Variants in RNASEH1 observed in about 807,000 individuals in gnomAD.
RNASEH1 encodes the protein ribonuclease H1.
A neutral mutation model predicts 34.6 loss-of-function variants in RNASEH1; 27 were observed. The ratio of observed to expected loss-of-function variants is 0.78; its 90% confidence interval spans 0.58 to 1.08. The LOEUF is 1.08. Among genes scored for constraint, RNASEH1 ranks in the 50% least tolerant of loss-of-function variants. The probability of loss-of-function intolerance (pLI) is 0.00; values close to 1 mark genes in which losing one functional copy is unlikely to be tolerated. For missense variants in RNASEH1, 349 were observed against 373.6 expected (o/e 0.93, Z 0.54); for synonymous variants, 162 against 138.4 (o/e 1.17, Z -1.20).
At chr2:3,532,779 CT>C in the RNASEH1 span, among the ~76,000 whole-genome samples, 2 of 152,220 alleles carry the variant, frequency 1.3e-5, no homozygotes, top group African/African-American at 4.8e-5. Context: ...AAAGTGTTCA[CT>C]GAGGCCCAAA....
chr2:3,556,375 G>A (rs914636139), intron 2 of RNASEH1, among the ~76,000 whole-genome samples: 4 of 145,108 alleles, frequency 2.8e-5, no homozygotes, highest in African/African-American at 7.7e-5. Flanking sequence ...GTGCAATCTC[G>A]GCTCACTGTA....
chr2:3,557,257 G>T lies in RNASEH1; in HGVS notation c.129-353C>A, dbSNP rs116313971. ...TTGATCTATGGTTAGCTGAAACTGA[G>T]GATGCAAACTGGATATAGAGGACCA... On this transcript the variant is annotated intron_variant, in intron 1 of 7. Coordinates refer to ENST00000315212, the MANE Select transcript of RNASEH1 (RefSeq NM_002936.6). 4.3e-3 allele frequency among the ~76,000 whole-genome samples: 653 copies of T among 152,166 alleles called. 6 individuals are homozygous for T. The highest frequency in any genetic ancestry group is 0.015 in the African/African-American group (629 of 41,516).
chr2:3,556,308 G>A (rs963075113), intron 2 of RNASEH1, among the ~76,000 whole-genome samples: 4 of 138,354 alleles, frequency 2.9e-5, no homozygotes, highest in African/African-American at 1.1e-4. Context: ...AACTATGTAA[G>A]TTTTTTTTTT....
chr2:3,549,411 T>C (rs1424388544), intron 4 of RNASEH1, among the ~76,000 whole-genome samples: 1 of 152,088 alleles, frequency 6.6e-6, no homozygotes. Flanking sequence ...GGAAGAAGAA[T>C]GGAGAGAGTG....
rs1572286664 is a variant in RNASEH1 at position 3,545,063 on chromosome 2, C to A, written c.*722G>T. 6.6e-6 allele frequency: 1 copy of A among 150,444 alleles called. No individual in the cohort carries two copies. Among genetic ancestry groups the A allele is most frequent in the South Asian group, 2.1e-4 (1 of 4,772 alleles). 9.3% of individuals were successfully genotyped at this position (150,444 alleles called of 1,614,324 possible). The stretch of plus-strand genomic sequence containing the variant: ...GTGCTAGGATTACAGAAGTGAGCCA[C>A]TGTGCCCAGCCGGTGTCTTACTTTT... On this transcript the variant is annotated 3_prime_UTR_variant, in exon 8 of 8. Transcript: ENST00000315212.
At chr2:3,555,567 A>G (rs1385501234) in intron 2 of RNASEH1, among the ~76,000 whole-genome samples, 2 of 152,306 alleles carry the variant, frequency 1.3e-5, no homozygotes, top group East Asian at 3.9e-4. Context: ...GATTGTTACG[A>G]TGATTCGAAG....
intron 4 of RNASEH1, chr2:3,550,092 G>T: frequency 2.7e-6 from 1 of 368,140 alleles, no homozygotes; most frequent in Non-Finnish European, 5.0e-6. Flanking sequence ...GCAGTGAGCT[G>T]TGTTTGTGCC....
In RNASEH1 at chr2:3,541,456, T is replaced by C. The variant is rs922649790; in HGVS notation, c.*4329A>G. 6.6e-6 allele frequency among the ~76,000 whole-genome samples: 1 copy of C among 152,330 alleles called. No individual in the cohort carries two copies. Among genetic ancestry groups the C allele is most frequent in the South Asian group, 2.1e-4 (1 of 4,830 alleles). Reference sequence around the variant, plus strand: ...AAATGTTCACGGCAGCTTTATTTGCTTTATTTTTATTTAGAAATTGGAAAT... The same window carrying C: ...AAATGTTCACGGCAGCTTTATTTGCCTTATTTTTATTTAGAAATTGGAAAT... On this transcript the variant is annotated 3_prime_UTR_variant, in exon 8 of 8. Transcript: ENST00000315212.
chr2:3,533,093 CCT>C, the RNASEH1 span: 1 of 152,290 alleles, frequency 6.6e-6, no homozygotes, highest in East Asian at 1.9e-4. Flanking sequence ...CTCACACTGC[CCT>C]CTCAGAGCTC....
chr2:3,539,800 G>A (rs1394948378), downstream of RNASEH1, among the ~76,000 whole-genome samples: 1 of 152,122 alleles, frequency 6.6e-6, no homozygotes, highest in Non-Finnish European at 1.5e-5. Flanking sequence ...CTACCCCGAG[G>A]CCCTCCTTTT....
Position 3,557,784 on chromosome 2 carries a change from GAA to G in RNASEH1, c.128+347_128+348del, listed in dbSNP as rs372000370. The G allele has an allele frequency of 1.6e-4, 159 of 995,380 alleles. No individual in the cohort carries two copies. In the African/African-American group the frequency reaches 2.4e-3, roughly 15 times the overall value. The allele number at this position is 995,380 out of a possible 1,614,324, so 61.7% of individuals were successfully genotyped here. A position where few individuals can be genotyped will look rare whatever the true frequency, so the allele number is the denominator to read the frequency against. ...TTCCAATCCCAATTTAGCTGGTACG[GAA>G]AGTCTTCTGGTAACGGGGGTTCGTT... On this transcript the variant is annotated intron_variant, in intron 1 of 7. Coordinates refer to ENST00000315212, the MANE Select transcript of RNASEH1 (RefSeq NM_002936.6).
At chr2:3,541,329 CAAAAAAAA>C (rs58652290), downstream of RNASEH1, among the ~76,000 whole-genome samples, 2 of 114,948 alleles carry the variant, frequency 1.7e-5, no homozygotes, top group Non-Finnish European at 3.7e-5. Context: ...GCTCCATCTC[CAAAAAAAA>C]AAAAAGAAAA....
chr2:3,545,884 A>G lies in RNASEH1; in HGVS notation c.775-13T>C, dbSNP rs1668702956. ...CAGGAACATGCATCTGTTAAGATAAATGTTTTCCTTTTATTTTTACTCATC... is the reference window on the plus strand; with the variant it reads ...CAGGAACATGCATCTGTTAAGATAAGTGTTTTCCTTTTATTTTTACTCATC... On this transcript the variant is annotated splice_polypyrimidine_tract_variant and intron_variant, in intron 7 of 7. Transcript: ENST00000315212. 1 of 1,588,702 alleles carries G rather than the reference A, an allele frequency of 6.3e-7. No individual in the cohort carries two copies. Among genetic ancestry groups the G allele is most frequent in the African/African-American group, 1.3e-5 (1 of 74,470 alleles).
chr2:3,556,955 C>T (rs1558462071), intron 1 of RNASEH1, 51 bp from the exon 2 acceptor site: 1 of 1,337,932 alleles, frequency 7.5e-7, no homozygotes, highest in South Asian at 1.2e-5. Context: ...AACTTATCCC[C>T]TTTTTTATTG....
chr2:3,554,903 G>A (rs1034416632), intron 2 of RNASEH1, among the ~76,000 whole-genome samples: 6 of 152,192 alleles, frequency 3.9e-5, no homozygotes, highest in African/African-American at 9.7e-5. Context: ...GCGAGGAGGC[G>A]GCTCAGCATT....
chr2:3,551,190 A>G (rs116406016), intron 3 of RNASEH1, among the ~76,000 whole-genome samples: 171 of 152,382 alleles, frequency 1.1e-3, no homozygotes, highest in African/African-American at 4.0e-3. Flanking sequence ...TGAGCTCAGC[A>G]GTGGCGAAGG....
intron 7 of RNASEH1, among the ~76,000 whole-genome samples, chr2:3,546,588 C>T (rs1038759724): frequency 1.3e-5 from 2 of 152,076 alleles, no homozygotes; most frequent in Non-Finnish European, 2.9e-5. Flanking sequence ...GCCATGTGCC[C>T]AGGTTGGGTG....
chr2:3,553,022 C>A (rs979760694), intron 2 of RNASEH1, among the ~76,000 whole-genome samples: 1 of 152,036 alleles, frequency 6.6e-6, no homozygotes, highest in South Asian at 2.1e-4. Flanking sequence ...CCGAGGCGGG[C>A]AGATCATTTG....
At chr2:3,536,284 AGAG>A in the RNASEH1 span, among the ~76,000 whole-genome samples, 1 of 152,248 alleles carries the variant, frequency 6.6e-6, no homozygotes, top group Non-Finnish European at 1.5e-5. Flanking sequence ...GCCTAGAGTC[AGAG>A]GAGCTGACTC....
Sources: allele counts gnomAD v4.1 joint callset (sites outside exome capture counted in the v4.1 genomes callset), GRCh38; gene constraint gnomAD v4.1.1; transcripts MANE v1.5; gene names NCBI Gene and HGNC (gene_info 2026-07-23, HGNC 2026-07-21).